The following MGST2 variants were observed in gnomAD, a reference collection of about 807,000 sequenced individuals.
The protein encoded by MGST2 is microsomal glutathione S-transferase 2, also known as glutathione peroxidase MGST2.
Under a neutral mutation model 16.6 loss-of-function variants are expected in MGST2, and 9 were observed. The ratio of observed to expected loss-of-function variants is 0.54; its 90% CI spans 0.33 to 0.95. MGST2 has a LOEUF of 0.95. Among genes scored for constraint, MGST2 ranks in the 40% least tolerant of loss-of-function variants. The probability of loss-of-function intolerance (pLI) is 0.03; values close to 1 mark genes in which losing one functional copy is unlikely to be tolerated. For missense variants in MGST2, 159 were observed against 175.1 expected (o/e 0.91, Z 0.52); for synonymous variants, 79 against 68.0 (o/e 1.16, Z -0.79).
At chr4:139,684,989 C>G (rs1220960974) in intron 2 of MGST2, 1 of 152,246 alleles carries the variant, frequency 6.6e-6, no homozygotes. Flanking sequence ...CTCTTAAGTT[C>G]CAGCCTTTGG....
the MGST2 span, among the ~76,000 whole-genome samples, chr4:139,751,473 A>G: frequency 2.6e-5 from 4 of 152,254 alleles, no homozygotes; most frequent in African/African-American, 9.6e-5. Flanking sequence ...TGCATGAAAC[A>G]AAGTTTTGAC....
Position 139,695,808 on chromosome 4 carries a change from C to T in MGST2, c.229+541C>T, listed in dbSNP as rs148736132. Among the ~76,000 whole-genome samples the T allele has an allele frequency of 1.2e-3, 181 of 152,162 alleles. 1 individual carries two copies. Among genetic ancestry groups the T allele is most frequent in the African/African-American group, 4.1e-3 (169 of 41,504 alleles). On this transcript the variant is annotated intron_variant, in intron 3 of 4. Transcript: ENST00000265498. ...TATGCTAGATACTCAAGAATGAGAACGACATGAGCTTTGTCTTCAAATCTA... is the reference window on the plus strand; with the variant it reads ...TATGCTAGATACTCAAGAATGAGAATGACATGAGCTTTGTCTTCAAATCTA...
chr4:139,718,342 TAA>T (rs1728078703), intron 5 of MGST2: 1 of 152,156 alleles, frequency 6.6e-6, no homozygotes, highest in Non-Finnish European at 1.5e-5. Flanking sequence ...CAAGGCTCCC[TAA>T]AGACATAAGC....
At chr4:139,743,919 T>G (rs1417817510), downstream of MGST2, among the ~76,000 whole-genome samples, 1 of 152,226 alleles carries the variant, frequency 6.6e-6, no homozygotes, top group Non-Finnish European at 1.5e-5. Context: ...TACATTCATG[T>G]ACAGGGTGCT....
chr4:139,674,322 TTGAGTTTC>T (rs1288224748), intron 1 of MGST2, among the ~76,000 whole-genome samples: 1 of 152,192 alleles, frequency 6.6e-6, no homozygotes, highest in Non-Finnish European at 1.5e-5. Flanking sequence ...AGACATTCTT[TTGAGTTTC>T]TGATTAGCCT....
chr4:139,698,529 C>T (rs1727060921), intron 3 of MGST2: 10 of 1,103,702 alleles, frequency 9.1e-6, no homozygotes, highest in South Asian at 7.6e-5. Flanking sequence ...GGTCGATTTG[C>T]GGGCAGTCTG....
At chr4:139,674,550 C>T (rs781527097) in intron 1 of MGST2, among the ~76,000 whole-genome samples, 2 of 151,126 alleles carry the variant, frequency 1.3e-5, no homozygotes, top group Non-Finnish European at 2.9e-5. Context: ...GAGGCTAAGG[C>T]GGGTAGATCA....
chr4:139,706,477 G>A (rs972976540), downstream of MGST2, among the ~76,000 whole-genome samples: 11 of 152,152 alleles, frequency 7.2e-5, no homozygotes, highest in African/African-American at 2.4e-4. Flanking sequence ...AGTTATGATC[G>A]TGACTTGGAT....
intron 2 of MGST2, among the ~76,000 whole-genome samples, chr4:139,686,412 G>A (rs540057101): frequency 4.6e-5 from 7 of 152,294 alleles, no homozygotes; most frequent in Non-Finnish European, 7.3e-5. Context: ...GAGGTATAAG[G>A]GGGTATGTCT....
intron 4 of MGST2, 31 bp downstream of exon 4, chr4:139,703,567 GC>G: frequency 6.3e-7 from 1 of 1,580,890 alleles, no homozygotes; most frequent in Non-Finnish European, 8.7e-7. Flanking sequence ...TTGTATTTAT[GC>G]AAAAAGTAGC....
chr4:139,678,644 T>G lies in MGST2; in HGVS notation c.158+2T>G. On this transcript the variant is annotated splice_donor_variant, in intron 2 of 4. Coordinates refer to ENST00000265498, the MANE Select transcript of MGST2 (RefSeq NM_002413.5). LOFTEE classifies it high-confidence loss of function. ...GTTTGAGAGAGTATTTCGGGCACAG[T>G]AAGTAATGCTTCTTCCACCCTTCAT... is the stretch of plus-strand genomic sequence containing the variant. The G allele has an allele frequency of 6.2e-7, 1 of 1,602,546 alleles. No homozygotes were observed. Among genetic ancestry groups the G allele is most frequent in the Non-Finnish European group, 8.6e-7 (1 of 1,169,570 alleles).
intron 1 of MGST2, among the ~76,000 whole-genome samples, chr4:139,673,723 A>G (rs1449081473): frequency 6.6e-6 from 1 of 151,860 alleles, no homozygotes; most frequent in African/African-American, 2.4e-5. Context: ...TGGGTTTTTA[A>G]AATTTGAGAT....
At chr4:139,670,868 C>T (rs1208260143) in intron 1 of MGST2, among the ~76,000 whole-genome samples, 1 of 150,034 alleles carries the variant, frequency 6.7e-6, no homozygotes, top group Non-Finnish European at 1.5e-5. Flanking sequence ...GATCATGCCA[C>T]TGCACTCCAG....
intron 3 of MGST2, among the ~76,000 whole-genome samples, chr4:139,702,181 G>A (rs1455427049): frequency 6.6e-6 from 1 of 152,074 alleles, no homozygotes; most frequent in East Asian, 1.9e-4. Flanking sequence ...TCATCATACT[G>A]TATTTCATAA....
intron 2 of MGST2, among the ~76,000 whole-genome samples, chr4:139,688,199 G>C (rs1726357265): frequency 1.3e-5 from 2 of 152,098 alleles, no homozygotes; most frequent in African/African-American, 4.8e-5. Context: ...TTTGAGGCTA[G>C]GGAGCACTAA....
chr4:139,691,856 G>A (rs559435111), intron 2 of MGST2, among the ~76,000 whole-genome samples: 5 of 151,950 alleles, frequency 3.3e-5, no homozygotes, highest in African/African-American at 4.8e-5. Context: ...CCGCCACCAC[G>A]CCCGGCTAAT....
intron 2 of MGST2, among the ~76,000 whole-genome samples, chr4:139,690,662 T>G (rs1017176440): frequency 6.6e-6 from 1 of 152,146 alleles, no homozygotes; most frequent in Non-Finnish European, 1.5e-5. Context: ...TGTGCAACTG[T>G]TAGAGCTATG....
intron 2 of MGST2, among the ~76,000 whole-genome samples, chr4:139,680,307 A>G (rs1183519979): frequency 6.6e-6 from 1 of 152,152 alleles, no homozygotes; most frequent in African/African-American, 2.4e-5. Flanking sequence ...CTTCTTGTGC[A>G]ATTTTTTTTC....
At position 139,715,618 on chromosome 4, in the gene MGST2, C is replaced by T. The variant is rs2110937711; in HGVS notation, c.*48+11422C>T. On this transcript the variant is annotated intron_variant, in intron 5 of 5. Transcript: ENST00000616265. The surrounding 1 kb of genome is among the most constrained non-coding windows in gnomAD (Gnocchi z 4.4). ...TGGTTGTCCATTTTTATGGTTATCT[C>T]TTGATGATATGCTAAACAAGGGGTG... 6.6e-6 allele frequency among the ~76,000 whole-genome samples: 1 copy of T among 152,304 alleles called. No individual in the cohort carries two copies. The highest frequency in any genetic ancestry group is 2.1e-4 in the South Asian group (1 of 4,818).
Sources: gnomAD v4.1 joint callset for allele counts (sites outside exome capture counted in the v4.1 genomes callset) on GRCh38, gnomAD v4.1.1 for gene constraint, Gnocchi (gnomAD v3.1) non-coding constraint, MANE v1.5 for transcripts, NCBI Gene and HGNC (gene_info 2026-07-23, HGNC 2026-07-21) for gene names.